FBXO11: variants seen among roughly 807,000 people sequenced by gnomAD.
FBXO11 encodes the protein F-box only protein 11.
FBXO11 carries 13 observed loss-of-function variants against 117.0 expected under a neutral mutation model. That is an observed-to-expected ratio of 0.11 (90% CI 0.07 to 0.18). The LOEUF (loss-of-function observed/expected upper bound fraction) is 0.18. FBXO11 is among the 10% of genes least tolerant of loss of function. The pLI, the probability that FBXO11 is intolerant of heterozygous loss-of-function variation, is 1.00. For synonymous variants in FBXO11, 490 were observed against 380.5 expected, an observed-to-expected ratio of 1.29 and a Z score of -3.35; for missense variants, 767 against 1,164.4, an observed-to-expected ratio of 0.66 and a Z score of 4.97.
At chr2:47,888,896 A>C (rs1002789612) in intron 1 of FBXO11, among the ~76,000 whole-genome samples, 5 of 152,326 alleles carry the variant, frequency 3.3e-5, no homozygotes, top group Middle Eastern at 6.8e-3. Flanking sequence ...GGTTATTCAA[A>C]GTAATTTGAT....
Position 47,807,307 on chromosome 2 carries a change from C to CTT in FBXO11, c.*809_*810dup. 2 of 215,676 alleles carry CTT rather than the reference C, an allele frequency of 9.3e-6. No homozygotes were observed. The highest frequency in any genetic ancestry group is 1.9e-5 in the Non-Finnish European group (2 of 106,910). 13.4% of individuals were successfully genotyped at this position (215,676 alleles called of 1,614,324 possible). ...TACTTAAAACATAGTAGTTTTTTAC[C>CTT]TTTCACAAAACTGAGTTACAAGAAT... On this transcript the variant is annotated 3_prime_UTR_variant, in exon 23 of 23. Transcript: ENST00000403359.
At chr2:47,840,218 C>G (rs1374113782) in intron 1 of FBXO11, among the ~76,000 whole-genome samples, 1 of 152,110 alleles carries the variant, frequency 6.6e-6, no homozygotes, top group Non-Finnish European at 1.5e-5. Context: ...GCTGGGATTA[C>G]AGGCGTGAGC....
chr2:47,887,656 T>C (rs1158276729), intron 1 of FBXO11, among the ~76,000 whole-genome samples: 2 of 151,414 alleles, frequency 1.3e-5, no homozygotes, highest in South Asian at 2.1e-4. Flanking sequence ...AGCCCAGGAG[T>C]TCAAGGCCAT....
intron 1 of FBXO11, among the ~76,000 whole-genome samples, chr2:47,840,005 G>C (rs1374540264): frequency 1.3e-5 from 2 of 150,958 alleles, no homozygotes; most frequent in Non-Finnish European, 3.0e-5. Context: ...GTGCAGTGGC[G>C]CAATCTCGGC....
At chr2:47,845,135 T>TA (rs1280424722) in intron 1 of FBXO11, among the ~76,000 whole-genome samples, 1 of 152,078 alleles carries the variant, frequency 6.6e-6, no homozygotes, top group Non-Finnish European at 1.5e-5. Flanking sequence ...ACCTTATTAC[T>TA]ACAGACACCC....
intron 1 of FBXO11, among the ~76,000 whole-genome samples, chr2:47,847,465 T>A (rs1339996760): frequency 2.0e-5 from 3 of 152,128 alleles, no homozygotes; most frequent in Admixed American, 1.3e-4. Flanking sequence ...TCCCAGCACT[T>A]TGGGAGGCCA....
At chr2:47,898,961 T>G (rs914189986) in intron 1 of FBXO11, among the ~76,000 whole-genome samples, 2 of 151,404 alleles carry the variant, frequency 1.3e-5, no homozygotes, top group Admixed American at 6.6e-5. Context: ...AAAAAAAAAG[T>G]AATAAAATCT....
rs760993329 is a variant in FBXO11 at position 47,839,708 on chromosome 2, T to C, written c.294A>G (p.Pro98=). The C allele has an allele frequency of 3.1e-6, 5 of 1,614,022 alleles. No homozygotes were observed. In the African/African-American group the frequency reaches 4.0e-5, roughly 13 times the overall value. Residue 98 remains proline (P), a synonymous_variant, in exon 2 of 23, where the codon CCA becomes CCG. Transcript: ENST00000403359. The part of the protein sequence containing the change: ...EESGPGAQNS[P]YQLRRKTLLP... ...AAAGAGTTTTTCTACGAAGTTGGTATGGACTATTTTGTGCACCAGGACCTG... is the reference window on the plus strand; with the variant it reads ...AAAGAGTTTTTCTACGAAGTTGGTACGGACTATTTTGTGCACCAGGACCTG...
At position 47,838,903 on chromosome 2, in the gene FBXO11, A is replaced by G. The variant is rs1672801135; in HGVS notation, c.543T>C (p.Cys181=). ...LLEQDLCRAA[C]VCKRFSELAN... ...CAAGTTCACTGAAGCGTTTACATAC[A>G]CAAGCTGCTCTACAAAGATCCTGTT... The change falls in exon 4 of 23, where the codon TGT becomes TGC. Residue 181 remains cysteine (C), a synonymous_variant. Transcript: ENST00000403359. The G allele has an allele frequency of 1.9e-6, 3 of 1,613,962 alleles. No homozygotes were observed. The South Asian group carries it at 3.3e-5, about 18-fold the overall frequency.
Position 47,822,320 on chromosome 2 carries a change from T to TA in FBXO11, c.1617-18dup, listed in dbSNP as rs535017411. On this transcript the variant is annotated splice_polypyrimidine_tract_variant and intron_variant, in intron 12 of 22. Coordinates refer to ENST00000403359, the MANE Select transcript of FBXO11 (RefSeq NM_001190274.2). ...GAATTTCCCCTATAATTATGCGAAA[T>TA]AAAAAAAAAGAAGACATCTATTCAG... is the stretch of plus-strand genomic sequence containing the variant. 1.3e-3 allele frequency: 1,927 copies of TA among 1,489,584 alleles called. 1 individual carries two copies. The highest frequency in any genetic ancestry group is 1.3e-3 in the Non-Finnish European group (1,398 of 1,092,742). 92.3% of individuals were successfully genotyped at this position (1,489,584 alleles called of 1,614,324 possible). A position where few individuals can be genotyped will look rare whatever the true frequency, so the allele number is the denominator to read the frequency against.
chr2:47,900,624 G>T (rs1221404819), intron 1 of FBXO11, among the ~76,000 whole-genome samples: 1 of 35,664 alleles, frequency 2.8e-5, no homozygotes, highest in Non-Finnish European at 5.8e-5. Context: ...ATATACACAC[G>T]TATACACACA....
At chr2:47,833,207 T>C (rs754996545) in intron 7 of FBXO11, 137 bp from the exon 8 acceptor site, 1 of 618,892 alleles carries the variant, frequency 1.6e-6, no homozygotes, top group Non-Finnish European at 2.9e-6. Context: ...CTATGTTTCA[T>C]CATCAGCCTT....
At chr2:47,863,630 TA>T (rs1249459780) in intron 1 of FBXO11, among the ~76,000 whole-genome samples, 1 of 152,140 alleles carries the variant, frequency 6.6e-6, no homozygotes, top group Non-Finnish European at 1.5e-5. Flanking sequence ...AGGAATTGGT[TA>T]AATCTGAAGA....
In FBXO11 at chr2:47,809,590, T is replaced by C. The variant is rs1670471341; in HGVS notation, c.2446+10A>G. The C allele has an allele frequency of 1.9e-6, 3 of 1,595,538 alleles. No homozygotes were observed. The East Asian group carries it at 6.7e-5, about 36-fold the overall frequency. ...GCATATATTTATAGGTATAGCAGAC[T>C]CCAACATACCTTTCATTGTCACATT... On this transcript the variant is annotated intron_variant, in intron 20 of 22. Coordinates refer to ENST00000403359, the MANE Select transcript of FBXO11 (RefSeq NM_001190274.2).
intron 1 of FBXO11, among the ~76,000 whole-genome samples, chr2:47,903,614 TCA>T (rs1356450850): frequency 6.6e-6 from 1 of 152,198 alleles, no homozygotes; most frequent in South Asian, 2.1e-4. Context: ...AAATGAAAAT[TCA>T]GAGTAAACAT....
chr2:47,869,194 G>A (rs1289391124), intron 1 of FBXO11, among the ~76,000 whole-genome samples: 2 of 152,184 alleles, frequency 1.3e-5, no homozygotes, highest in Admixed American at 1.3e-4. Context: ...ATTACCCATA[G>A]TAACTCACTA....
chr2:47,863,391 A>G lies in FBXO11; in HGVS notation c.233-23622T>C, dbSNP rs575113222. 4.6e-5 allele frequency among the ~76,000 whole-genome samples: 7 copies of G among 152,312 alleles called. No homozygotes were observed. In the South Asian group the frequency reaches 1.4e-3, roughly 32 times the overall value. ...TACTTTAATGTCTACAAGTGCTCTTAAACAGCTCGTTTACATGGCTCTGAA... is the reference window on the plus strand; with the variant it reads ...TACTTTAATGTCTACAAGTGCTCTTGAACAGCTCGTTTACATGGCTCTGAA... On this transcript the variant is annotated intron_variant, in intron 1 of 22. Transcript: ENST00000403359.
intron 16 of FBXO11, 197 bp from the exon 17 acceptor site, chr2:47,814,064 C>G (rs1670830072): frequency 2.0e-6 from 1 of 500,102 alleles, no homozygotes; most frequent in Non-Finnish European, 3.6e-6. Flanking sequence ...TACTTTACTA[C>G]AGATTATTAT....
chr2:47,875,192 A>G (rs1423556309), intron 1 of FBXO11, among the ~76,000 whole-genome samples: 2 of 152,192 alleles, frequency 1.3e-5, no homozygotes, highest in African/African-American at 4.8e-5. Context: ...GAGTAATTGT[A>G]AGTTGTATTC....
Sources: gnomAD v4.1 joint callset for allele counts (sites outside exome capture counted in the v4.1 genomes callset) on GRCh38, gnomAD v4.1.1 for gene constraint, MANE v1.5 for transcripts, NCBI Gene and HGNC (gene_info 2026-07-23, HGNC 2026-07-21) for gene names.